WNT1: variants seen among roughly 807,000 people sequenced by gnomAD.
The protein encoded by WNT1 is proto-oncogene Wnt-1.
WNT1 carries 10 observed loss-of-function variants against 21.3 expected under a neutral mutation model. The observed-to-expected ratio is 0.47, with a 90% confidence interval of 0.29 to 0.80. The LOEUF (loss-of-function observed/expected upper bound fraction) is 0.80, where lower values mean the gene tolerates loss of function less well. Ranked by LOEUF, WNT1 falls within the 30% of genes least tolerant of loss-of-function variation. WNT1 has a pLI of 0.09. For synonymous variants in WNT1, 208 were observed against 236.3 expected, an observed-to-expected ratio of 0.88 and a Z score of 1.10; for missense variants, 476 against 534.1, an observed-to-expected ratio of 0.89 and a Z score of 1.07.
chr12:48,980,767 A>C lies in WNT1; in HGVS notation c.624+78A>C, dbSNP rs1941001584. 6.8e-7 allele frequency: 1 copy of C among 1,466,034 alleles called. No homozygotes were observed. Among genetic ancestry groups the C allele is most frequent in the African/African-American group, 1.4e-5 (1 of 70,636 alleles). 90.8% of individuals were successfully genotyped at this position (1,466,034 alleles called of 1,614,324 possible). On this transcript the variant is annotated intron_variant, in intron 3 of 3. Coordinates refer to ENST00000293549, the MANE Select transcript of WNT1 (RefSeq NM_005430.4). This position sits in a 1 kb window ranked among gnomAD's most constrained non-coding sequence, Gnocchi z 7.0. ...GGCTGGGGAAGTGACGGTCGGTGAGATAAGGCAAGGGGCACCAGGAGAGGG... is the reference window on the plus strand; with the variant it reads ...GGCTGGGGAAGTGACGGTCGGTGAGCTAAGGCAAGGGGCACCAGGAGAGGG...
rs964602627 is a variant in WNT1 at position 48,981,804 on chromosome 12, C to T, written c.*164C>T. The T allele has an allele frequency of 1.8e-5, 18 of 1,019,846 alleles. No individual in the cohort carries two copies. Among genetic ancestry groups the T allele is most frequent in the East Asian group, 6.2e-5 (2 of 32,078 alleles). 63.2% of individuals were successfully genotyped at this position (1,019,846 alleles called of 1,614,324 possible). ...TCCCACTTCCTCCTACCTGGGGACT[C>T]CTCAAACCACTTGCCTGGGGCGGCA... is the stretch of plus-strand genomic sequence containing the variant. On this transcript the variant is annotated 3_prime_UTR_variant, in exon 4 of 4. Transcript: ENST00000293549. The surrounding 1 kb of genome is among the most constrained non-coding windows in gnomAD (Gnocchi z 7.4).
Position 48,979,806 on chromosome 12 carries a change from G to A in WNT1, c.358+85G>A. The A allele has an allele frequency of 6.9e-7, 1 of 1,452,402 alleles. No individual in the cohort carries two copies. The allele number at this position is 1,452,402 out of a possible 1,614,324, so 90.0% of individuals were successfully genotyped here. Reference sequence around the variant, plus strand: ...GCATGGGCGGGCGAGTTCAGAGAAGGTGTCCCAGGCGCCTGGAGGGTCACA... The same window carrying A: ...GCATGGGCGGGCGAGTTCAGAGAAGATGTCCCAGGCGCCTGGAGGGTCACA... On this transcript the variant is annotated intron_variant, in intron 2 of 3. Transcript: ENST00000293549. The surrounding 1 kb of genome is among the most constrained non-coding windows in gnomAD (Gnocchi z 6.0).
In WNT1 at chr12:48,979,618, G is replaced by T. The variant is rs765605638; in HGVS notation, c.255G>T (p.Gly85=). 6.2e-7 allele frequency: 1 copy of T among 1,614,060 alleles called. No individual in the cohort carries two copies. The highest frequency in any genetic ancestry group is 8.5e-7 in the Non-Finnish European group (1 of 1,180,032). Residue 85 remains glycine, a synonymous_variant, in exon 2 of 4, where the codon GGG becomes GGT. Coordinates refer to ENST00000293549, the MANE Select transcript of WNT1 (RefSeq NM_005430.4). This position sits in a 1 kb window ranked among gnomAD's most constrained non-coding sequence, Gnocchi z 6.0. Reference sequence around the variant, plus strand: ...GGATCCTGCACAGCGTGAGTGGGGGGCTGCAGAGTGCCGTGCGCGAGTGCA... The same window carrying T: ...GGATCCTGCACAGCGTGAGTGGGGGTCTGCAGAGTGCCGTGCGCGAGTGCA... ...NPGILHSVSG[G]LQSAVRECKW...
chr12:48,980,624 T>G lies in WNT1; in HGVS notation c.559T>G (p.Ser187Ala). 1 of 1,601,498 alleles carries G rather than the reference T, an allele frequency of 6.2e-7. No homozygotes were observed. The highest frequency in any genetic ancestry group is 8.5e-7 in the Non-Finnish European group (1 of 1,173,628). Reference protein sequence around the residue: ...GRLFGREFVDSGEKGRDLRFL... With the variant: ...GRLFGREFVDAGEKGRDLRFL... Reference sequence around the variant, plus strand: ...CCTCTTCGGCCGGGAGTTCGTGGACTCCGGGGAGAAGGGGCGGGACCTGCG... The same window carrying G: ...CCTCTTCGGCCGGGAGTTCGTGGACGCCGGGGAGAAGGGGCGGGACCTGCG... The change falls in exon 3 of 4, where the codon TCC (serine) becomes GCC (alanine). Residue 187 changes from serine to alanine, a missense_variant. Physicochemically the swap from Ser to Ala is moderately conservative, Grantham distance 99 (BLOSUM62 1). Transcript: ENST00000293549. This position sits in a 1 kb window ranked among gnomAD's most constrained non-coding sequence, Gnocchi z 7.0.
In WNT1 at chr12:48,981,866, C is replaced by G. The variant is rs1264847317; in HGVS notation, c.*226C>G. ...GCCATCCTGATGGACCTGCCCCGGA[C>G]CTACCTCCCTCCCTCTCCGCGGGAG... On this transcript the variant is annotated 3_prime_UTR_variant, in exon 4 of 4. Coordinates refer to ENST00000293549, the MANE Select transcript of WNT1 (RefSeq NM_005430.4). The surrounding 1 kb of genome is among the most constrained non-coding windows in gnomAD (Gnocchi z 7.4). Among the ~76,000 whole-genome samples, 1 of 152,192 alleles carries G rather than the reference C, an allele frequency of 6.6e-6. No homozygotes were observed. Among genetic ancestry groups the G allele is most frequent in the Non-Finnish European group, 1.5e-5 (1 of 68,024 alleles).
Position 48,980,532 on chromosome 12 carries a change from G to C in WNT1, c.467G>C (p.Arg156Pro). 1 of 1,613,676 alleles carries C rather than the reference G, an allele frequency of 6.2e-7. No homozygotes were observed. The highest frequency in any genetic ancestry group is 2.2e-5 in the East Asian group (1 of 44,860). The change falls in exon 3 of 4, where the codon CGG becomes CCG. Residue 156 changes from arginine to proline, a missense_variant. Physicochemically the swap from Arg to Pro is moderately radical, Grantham distance 103. Coordinates refer to ENST00000293549, the MANE Select transcript of WNT1 (RefSeq NM_005430.4). The surrounding 1 kb of genome is among the most constrained non-coding windows in gnomAD (Gnocchi z 7.0). The part of the protein sequence containing the change: ...GSIESCTCDY[R>P]RRGPGGPDWH... ...ATCGAATCCTGCACGTGTGACTACC[G>C]GCGGCGCGGCCCCGGGGGCCCCGAC...
chr12:48,978,788 C>G lies in WNT1; in HGVS notation c.104+34C>G, dbSNP rs1227217053. On this transcript the variant is annotated intron_variant, in intron 1 of 3. Coordinates refer to ENST00000293549, the MANE Select transcript of WNT1 (RefSeq NM_005430.4). The surrounding 1 kb of genome is among the most constrained non-coding windows in gnomAD (Gnocchi z 7.4). ...GCTGGTGCGGGGTCGCCACTTGTCC[C>G]GCGGCACAGAGCCAGGGGCCAACCC... 7 of 1,483,480 alleles carry G rather than the reference C, an allele frequency of 4.7e-6. No homozygotes were observed. Among genetic ancestry groups the G allele is most frequent in the Non-Finnish European group, 6.4e-6 (7 of 1,087,886 alleles). The allele number at this position is 1,483,480 out of a possible 1,614,324, so 91.9% of individuals were successfully genotyped here. A position where few individuals can be genotyped will look rare whatever the true frequency, so the allele number is the denominator to read the frequency against.
rs928116612 is a variant in WNT1, at chr12:48,980,168, C to T, written c.359-256C>T. On this transcript the variant is annotated intron_variant, in intron 2 of 3. Transcript: ENST00000293549. This position sits in a 1 kb window ranked among gnomAD's most constrained non-coding sequence, Gnocchi z 7.0. ...TCTTCGGTTTGTCTCTCTGGGGCTG[C>T]TCCACTTCCGCTATCGAGCCAAAAT... Among the ~76,000 whole-genome samples the T allele has an allele frequency of 1.1e-4, 17 of 152,240 alleles. No individual in the cohort carries two copies. Among genetic ancestry groups the T allele is most frequent in the African/African-American group, 3.9e-4 (16 of 41,466 alleles).
At position 48,980,822 on chromosome 12, in the gene WNT1, A is replaced by G; in HGVS notation, c.624+133A>G. The G allele has an allele frequency of 7.1e-7, 1 of 1,401,712 alleles. No homozygotes were observed. The highest frequency in any genetic ancestry group is 1.5e-5 in the South Asian group (1 of 65,574). 86.8% of individuals were successfully genotyped at this position (1,401,712 alleles called of 1,614,324 possible). A position where few individuals can be genotyped will look rare whatever the true frequency, so the allele number is the denominator to read the frequency against. ...CTGGGAGAGCCGGAGGCTTGGAACG[A>G]AGACGGAGAATAGAGGAGACAGTGG... On this transcript the variant is annotated intron_variant, in intron 3 of 3. Transcript: ENST00000293549. This position sits in a 1 kb window ranked among gnomAD's most constrained non-coding sequence, Gnocchi z 7.0.
chr12:48,978,827 C>A lies in WNT1; in HGVS notation c.104+73C>A, dbSNP rs574959775. ...AGGGGCCAACCCTACCCAGCTCCCA[C>A]GCTCTGGGATCCGTCTGCCGACAGG... On this transcript the variant is annotated intron_variant, in intron 1 of 3. Coordinates refer to ENST00000293549, the MANE Select transcript of WNT1 (RefSeq NM_005430.4). The surrounding 1 kb of genome is among the most constrained non-coding windows in gnomAD (Gnocchi z 7.4). The A allele has an allele frequency of 2.6e-4, 274 of 1,061,134 alleles. No homozygotes were observed. The highest frequency in any genetic ancestry group is 8.2e-4 in the Admixed American group (32 of 39,150). 65.7% of individuals were successfully genotyped at this position (1,061,134 alleles called of 1,614,324 possible). A position where few individuals can be genotyped will look rare whatever the true frequency, so the allele number is the denominator to read the frequency against.
Position 48,980,348 on chromosome 12 carries a change from G to T in WNT1, c.359-76G>T, listed in dbSNP as rs778591272. 13 of 1,555,556 alleles carry T rather than the reference G, an allele frequency of 8.4e-6. No individual in the cohort carries two copies. Among genetic ancestry groups the T allele is most frequent in the Admixed American group, 1.7e-5 (1 of 57,264 alleles). On this transcript the variant is annotated intron_variant, in intron 2 of 3. Transcript: ENST00000293549. This position sits in a 1 kb window ranked among gnomAD's most constrained non-coding sequence, Gnocchi z 7.0. ...AGTGCGGAGTCGGGGGTGGGATTCC[G>T]GTCCCAAGCCCTTCATGAGGGTGCT...
Position 48,980,683 on chromosome 12 carries a change from C to A in WNT1, c.618C>A (p.Gly206=), listed in dbSNP as rs1470540390. ...TGAACCTTCACAACAACGAGGCAGG[C>A]CGTACGGTGAGCTTTGAGAGGCTCC... is the stretch of plus-strand genomic sequence containing the variant. ...FLMNLHNNEA[G]RTTVFSEMRQ... The change falls in exon 3 of 4, where the codon GGC becomes GGA. Residue 206 remains glycine, a synonymous_variant. Transcript: ENST00000293549. The surrounding 1 kb of genome is among the most constrained non-coding windows in gnomAD (Gnocchi z 7.0). 3 of 1,546,760 alleles carry A rather than the reference C, an allele frequency of 1.9e-6. No individual in the cohort carries two copies. The highest frequency in any genetic ancestry group is 2.6e-6 in the Non-Finnish European group (3 of 1,147,638).
At position 48,979,398 on chromosome 12, in the gene WNT1, G is replaced by C; in HGVS notation, c.105-70G>C. 1 of 1,520,464 alleles carries C rather than the reference G, an allele frequency of 6.6e-7. No homozygotes were observed. The highest frequency in any genetic ancestry group is 8.8e-7 in the Non-Finnish European group (1 of 1,130,868). 94.2% of individuals were successfully genotyped at this position (1,520,464 alleles called of 1,614,324 possible). ...GCCACATACCCCCAGGAAGAGGACC[G>C]GGTGGCACAGTTTTTATGGTTAGGG... On this transcript the variant is annotated intron_variant, in intron 1 of 3. Transcript: ENST00000293549. The surrounding 1 kb of genome is among the most constrained non-coding windows in gnomAD (Gnocchi z 6.0).
Position 48,981,394 on chromosome 12 carries a change from C to T in WNT1, c.867C>T (p.Leu289=). 1 of 1,580,378 alleles carries T rather than the reference C, an allele frequency of 6.3e-7. No individual in the cohort carries two copies. The highest frequency in any genetic ancestry group is 8.6e-7 in the Non-Finnish European group (1 of 1,162,580). Residue 289 remains leucine, a synonymous_variant, in exon 4 of 4, where the codon CTC becomes CTT. Coordinates refer to ENST00000293549, the MANE Select transcript of WNT1 (RefSeq NM_005430.4). This position sits in a 1 kb window ranked among gnomAD's most constrained non-coding sequence, Gnocchi z 7.4. ...PAHKPPSPHD[L]VYFEKSPNFC... ...ACAAACCGCCCTCCCCCCACGACCTCGTCTACTTCGAGAAATCGCCCAACT... is the reference window on the plus strand; with the variant it reads ...ACAAACCGCCCTCCCCCCACGACCTTGTCTACTTCGAGAAATCGCCCAACT...
At position 48,978,417 on chromosome 12, in the gene WNT1, C is replaced by T. The variant is rs1443940083; in HGVS notation, c.-234C>T. ...CAGTGCGGCCCGGAGGGGCAGCCTC[C>T]TCCCGTCACTTCAGCCAGCGCCGCA... is the stretch of plus-strand genomic sequence containing the variant. On this transcript the variant is annotated 5_prime_UTR_variant, in exon 1 of 4. Transcript: ENST00000293549. The surrounding 1 kb of genome is among the most constrained non-coding windows in gnomAD (Gnocchi z 7.4). The T allele has an allele frequency of 1.8e-6, 1 of 567,262 alleles. No homozygotes were observed. The highest frequency in any genetic ancestry group is 3.1e-5 in the East Asian group (1 of 31,888). 35.1% of individuals were successfully genotyped at this position (567,262 alleles called of 1,614,324 possible).
rs1203413848 is a variant in WNT1, at chr12:48,979,475, G to T, written c.112G>T (p.Val38Leu). The change falls in exon 2 of 4, where the codon GTG (valine) becomes TTG (leucine). Residue 38 changes from valine to leucine, a missense_variant. Coordinates refer to ENST00000293549, the MANE Select transcript of WNT1 (RefSeq NM_005430.4). This position sits in a 1 kb window ranked among gnomAD's most constrained non-coding sequence, Gnocchi z 6.0. ...ANSSGRWWGI[V>L]NVASSTNLLT... ...TATCATACGTCCCACCAGGGGTATTGTGAACGTAGCCTCCTCCACGAACCT... is the reference window on the plus strand; with the variant it reads ...TATCATACGTCCCACCAGGGGTATTTTGAACGTAGCCTCCTCCACGAACCT... 3 of 1,609,232 alleles carry T rather than the reference G, an allele frequency of 1.9e-6. No homozygotes were observed. Among genetic ancestry groups the T allele is most frequent in the Non-Finnish European group, 2.5e-6 (3 of 1,176,642 alleles).
Position 48,981,609 on chromosome 12 carries a change from C to A in WNT1, c.1082C>A (p.Thr361Lys). The A allele has an allele frequency of 6.7e-7, 1 of 1,485,486 alleles. No homozygotes were observed. Among genetic ancestry groups the A allele is most frequent in the Non-Finnish European group, 8.9e-7 (1 of 1,120,950 alleles). 92.0% of individuals were successfully genotyped at this position (1,485,486 alleles called of 1,614,324 possible). The stretch of plus-strand genomic sequence containing the variant: ...TGCCACGTCAGCTGCCGCAACTGCA[C>A]GCACACGCGCGTACTGCACGAGTGT... Reference protein sequence around the residue: ...WCCHVSCRNCTHTRVLHECL With the variant: ...WCCHVSCRNCKHTRVLHECL Residue 361 changes from threonine to lysine, a missense_variant, in exon 4 of 4, where the codon ACG (threonine) becomes AAG (lysine). Transcript: ENST00000293549. The surrounding 1 kb of genome is among the most constrained non-coding windows in gnomAD (Gnocchi z 7.4).
In WNT1 at chr12:48,980,704, G is replaced by T; in HGVS notation, c.624+15G>T. ...CAGGCCGTACGGTGAGCTTTGAGAGGCTCCGCACCCTAAGCGGAGCGGCAG... is the reference window on the plus strand; with the variant it reads ...CAGGCCGTACGGTGAGCTTTGAGAGTCTCCGCACCCTAAGCGGAGCGGCAG... On this transcript the variant is annotated intron_variant, in intron 3 of 3. Transcript: ENST00000293549. The surrounding 1 kb of genome is among the most constrained non-coding windows in gnomAD (Gnocchi z 7.0). 5.9e-6 allele frequency: 9 copies of T among 1,523,830 alleles called. No individual in the cohort carries two copies. The highest frequency in any genetic ancestry group is 7.9e-6 in the Non-Finnish European group (9 of 1,137,454). The allele number at this position is 1,523,830 out of a possible 1,614,324, so 94.4% of individuals were successfully genotyped here.
chr12:48,981,449 G>A lies in WNT1; in HGVS notation c.922G>A (p.Ala308Thr), dbSNP rs1247818549. The A allele has an allele frequency of 7.0e-6, 11 of 1,563,096 alleles. No homozygotes were observed. The highest frequency in any genetic ancestry group is 9.5e-6 in the Non-Finnish European group (11 of 1,153,738). The change falls in exon 4 of 4, where the codon GCA (alanine) becomes ACA (threonine). Residue 308 changes from alanine (A) to threonine (T), a missense_variant. By Grantham distance (58) the Ala-to-Thr change is moderately conservative (BLOSUM62 0). Coordinates refer to ENST00000293549, the MANE Select transcript of WNT1 (RefSeq NM_005430.4). The surrounding 1 kb of genome is among the most constrained non-coding windows in gnomAD (Gnocchi z 7.4). ...FCTYSGRLGT[A>T]GTAGRACNSS... ...CACGTACAGCGGACGCCTGGGCACA[G>A]CAGGCACGGCAGGGCGCGCCTGTAA...
Sources: gnomAD v4.1 joint callset for allele counts (sites outside exome capture counted in the v4.1 genomes callset) on GRCh38, gnomAD v4.1.1 for gene constraint, Gnocchi (gnomAD v3.1) non-coding constraint, MANE v1.5 for transcripts, NCBI Gene and HGNC (gene_info 2026-07-23, HGNC 2026-07-21) for gene names.